The following INPP5A variants were observed in gnomAD, a reference collection of about 807,000 sequenced individuals.
INPP5A encodes inositol polyphosphate-5-phosphatase A, also known as 43 kDa inositol polyphosphate 5-phophatase.
A neutral mutation model predicts 65.2 loss-of-function variants in INPP5A; 14 were observed. That is an observed-to-expected ratio of 0.21 (90% CI 0.14 to 0.34). The LOEUF (loss-of-function observed/expected upper bound fraction) is 0.34. INPP5A is among the 10% of genes least tolerant of loss of function. The pLI is 1.00. For missense variants in INPP5A, 431 were observed against 545.6 expected, an observed-to-expected ratio of 0.79 and a Z score of 2.09; for synonymous variants, 207 against 208.3, an observed-to-expected ratio of 0.99 and a Z score of 0.05.
intron 2 of INPP5A, among the ~76,000 whole-genome samples, chr10:132,625,284 A>T (rs1312886237): frequency 6.6e-6 from 1 of 150,482 alleles, no homozygotes. Flanking sequence ...CGCTCCTGTC[A>T]TCCCACCCCA....
At chr10:132,680,397 A>G (rs773172278) in intron 4 of INPP5A, among the ~76,000 whole-genome samples, 1 of 152,238 alleles carries the variant, frequency 6.6e-6, no homozygotes, top group Non-Finnish European at 1.5e-5. Flanking sequence ...CCAAACTGCC[A>G]TTTTCATTTG....
rs2072036098 is a variant in INPP5A, at chr10:132,616,545, C to T, written c.117+8589C>T. On this transcript the variant is annotated intron_variant, in intron 2 of 15. Coordinates refer to ENST00000368594, the MANE Select transcript of INPP5A (RefSeq NM_005539.5). This position sits in a 1 kb window ranked among gnomAD's most constrained non-coding sequence, Gnocchi z 4.9. Reference sequence around the variant, plus strand: ...GTCACATGGGACATGGTGTATGGGACGTGGTGGTGACATAGTGTGTGTTGG... The same window carrying T: ...GTCACATGGGACATGGTGTATGGGATGTGGTGGTGACATAGTGTGTGTTGG... 6.6e-6 allele frequency among the ~76,000 whole-genome samples: 1 copy of T among 151,450 alleles called. No individual in the cohort carries two copies. The highest frequency in any genetic ancestry group is 1.5e-5 in the Non-Finnish European group (1 of 67,838).
At chr10:132,611,649 G>A (rs1194282907) in intron 2 of INPP5A, among the ~76,000 whole-genome samples, 6 of 135,582 alleles carry the variant, frequency 4.4e-5, no homozygotes, top group East Asian at 2.5e-4. Context: ...AGGGAGGTGA[G>A]GTGGGCAGGG....
intron 12 of INPP5A, among the ~76,000 whole-genome samples, chr10:132,770,807 C>T (rs912683263): frequency 8.5e-5 from 13 of 152,232 alleles, no homozygotes; most frequent in African/African-American, 2.9e-4. Flanking sequence ...ACACAGGTCC[C>T]GGGAAATCCC....
Position 132,550,629 on chromosome 10 carries a change from G to T in INPP5A, c.75+12458G>T, listed in dbSNP as rs1440329037. ...AGTGGCCAAGCCGGCATTCTGGCTG[G>T]GCTCGCTGGCCACAGGACGTCCACT... On this transcript the variant is annotated intron_variant, in intron 1 of 15. Coordinates refer to ENST00000368594, the MANE Select transcript of INPP5A (RefSeq NM_005539.5). The surrounding 1 kb of genome is among the most constrained non-coding windows in gnomAD (Gnocchi z 4.2). Among the ~76,000 whole-genome samples, 13 of 152,230 alleles carry T rather than the reference G, an allele frequency of 8.5e-5. No individual in the cohort carries two copies. Among genetic ancestry groups the T allele is most frequent in the Non-Finnish European group, 1.5e-5 (1 of 68,044 alleles).
At position 132,674,249 on chromosome 10, in the gene INPP5A, G is replaced by A. The variant is rs1436206343; in HGVS notation, c.307-16143G>A. On this transcript the variant is annotated intron_variant, in intron 4 of 15. Transcript: ENST00000368594. The surrounding 1 kb of genome is among the most constrained non-coding windows in gnomAD (Gnocchi z 4.4). ...CCAATCATGCTTCTTCCAAGTCCCT[G>A]ACCATCCAGCCAAACCATTGGCTAC... is the stretch of plus-strand genomic sequence containing the variant. Among the ~76,000 whole-genome samples, 6 of 152,152 alleles carry A rather than the reference G, an allele frequency of 3.9e-5. No homozygotes were observed. Among genetic ancestry groups the A allele is most frequent in the Non-Finnish European group, 8.8e-5 (6 of 68,030 alleles).
chr10:132,720,290 C>CAAG (rs1366135791), intron 8 of INPP5A, among the ~76,000 whole-genome samples: 1 of 146,320 alleles, frequency 6.8e-6, no homozygotes, highest in Non-Finnish European at 1.5e-5. Context: ...GTGCCTTAGA[C>CAAG]GGCTGTCTTG....
chr10:132,594,169 C>G (rs1353527676), intron 1 of INPP5A, among the ~76,000 whole-genome samples: 2 of 152,182 alleles, frequency 1.3e-5, no homozygotes, highest in African/African-American at 4.8e-5. Context: ...TTATGTTTGT[C>G]TCATAATAGG....
In INPP5A at chr10:132,603,398, G is replaced by A. The variant is rs1468468282; in HGVS notation, c.76-4517G>A. Among the ~76,000 whole-genome samples, 2 of 152,124 alleles carry A rather than the reference G, an allele frequency of 1.3e-5. No individual in the cohort carries two copies. Among genetic ancestry groups the A allele is most frequent in the African/African-American group, 4.8e-5 (2 of 41,390 alleles). ...CCAGCTCCCACTACCCAGAAAGAAC[G>A]CTTGTCCACGTGGAATAAACGTCAT... On this transcript the variant is annotated intron_variant, in intron 1 of 15. Coordinates refer to ENST00000368594, the MANE Select transcript of INPP5A (RefSeq NM_005539.5). The surrounding 1 kb of genome is among the most constrained non-coding windows in gnomAD (Gnocchi z 4.2).
chr10:132,691,524 G>A (rs894065988), intron 5 of INPP5A, among the ~76,000 whole-genome samples: 7 of 152,246 alleles, frequency 4.6e-5, no homozygotes, highest in Admixed American at 2.0e-4. Context: ...GCGCCGTGCC[G>A]CGGATCTGCA....
chr10:132,558,606 G>T (rs560712136), intron 1 of INPP5A, among the ~76,000 whole-genome samples: 1 of 152,346 alleles, frequency 6.6e-6, no homozygotes, highest in South Asian at 2.1e-4. Flanking sequence ...TGCAGCTGCC[G>T]ATGAGGAGCG....
intron 11 of INPP5A, among the ~76,000 whole-genome samples, chr10:132,751,825 C>G (rs1214293271): frequency 6.7e-6 from 1 of 148,896 alleles, no homozygotes; most frequent in Non-Finnish European, 1.5e-5. Context: ...AGGCAGGTGC[C>G]CAGGAAGTGC....
chr10:132,638,559 T>TTTTA (rs1564944299), intron 2 of INPP5A, among the ~76,000 whole-genome samples: 2 of 152,188 alleles, frequency 1.3e-5, no homozygotes, highest in Non-Finnish European at 2.9e-5. Context: ...CCCAATTTTA[T>TTTTA]TTTATTTATT....
At chr10:132,578,457 C>T (rs1464132075) in intron 1 of INPP5A, among the ~76,000 whole-genome samples, 1 of 97,552 alleles carries the variant, frequency 1.0e-5, no homozygotes, top group Admixed American at 1.2e-4. Flanking sequence ...GTGAGCAAGA[C>T]CTTGCACTGG....
At chr10:132,732,928 CAG>C (rs1846111785) in intron 9 of INPP5A, among the ~76,000 whole-genome samples, 1 of 152,128 alleles carries the variant, frequency 6.6e-6, no homozygotes, top group South Asian at 2.1e-4. Context: ...GGCAGTGGCT[CAG>C]AGGACCACAG....
chr10:132,734,713 G>A (rs965576121), intron 9 of INPP5A, among the ~76,000 whole-genome samples: 6 of 152,226 alleles, frequency 3.9e-5, no homozygotes, highest in East Asian at 1.9e-4. Context: ...TTTGCCTGGC[G>A]GCTGCCTCCC....
intron 12 of INPP5A, among the ~76,000 whole-genome samples, chr10:132,775,906 G>A (rs1471212040): frequency 6.6e-6 from 1 of 152,190 alleles, no homozygotes; most frequent in Admixed American, 6.5e-5. Context: ...GGGAGAACTG[G>A]TTCGGTTCCA....
chr10:132,712,311 C>T (rs570054424), intron 8 of INPP5A, among the ~76,000 whole-genome samples: 164 of 151,908 alleles, frequency 1.1e-3, no homozygotes, highest in African/African-American at 3.7e-3. Context: ...TGCACAGTTG[C>T]TTGTGGGGTT....
intron 3 of INPP5A, among the ~76,000 whole-genome samples, chr10:132,649,191 T>G (rs1194880561): frequency 1.3e-5 from 2 of 152,358 alleles, no homozygotes; most frequent in African/African-American, 4.8e-5. Context: ...GTTTTATTTC[T>G]GACATTGTGT....
Sources: gnomAD v4.1 joint callset for allele counts (sites outside exome capture counted in the v4.1 genomes callset) on GRCh38, gnomAD v4.1.1 for gene constraint, Gnocchi (gnomAD v3.1) non-coding constraint, MANE v1.5 for transcripts, NCBI Gene and HGNC (gene_info 2026-07-23, HGNC 2026-07-21) for gene names.